Variants in WNK3 observed in about 807,000 individuals in gnomAD.
The protein encoded by WNK3 is serine/threonine-protein kinase WNK3.
A neutral mutation model predicts 116.7 loss-of-function variants in WNK3; 18 were observed. That is an observed-to-expected ratio of 0.15 (90% confidence interval 0.11 to 0.23). The LOEUF (loss-of-function observed/expected upper bound fraction) is 0.23. WNK3 is among the 10% of genes least tolerant of loss of function. WNK3 has a pLI of 1.00. For missense variants in WNK3, 993 were observed against 1,323.8 expected, an observed-to-expected ratio of 0.75 and a Z score of 3.88; for synonymous variants, 404 against 469.4, an observed-to-expected ratio of 0.86 and a Z score of 1.80.
exon 23 of WNK3, chrX:54,202,139 T>C: frequency 8.3e-7 from 1 of 1,210,199 alleles, no homozygotes; most frequent in Non-Finnish European, 1.1e-6. Flanking sequence ...CATCCCTTTT[T>C]TACTGGCTGG....
At chrX:54,222,526 T>C (rs781891691) in intron 22 of WNK3, among the ~76,000 whole-genome samples, 122 of 107,456 alleles carry the variant, frequency 1.1e-3, no homozygotes, top group African/African-American at 4.1e-3. Flanking sequence ...ACCACTGCAC[T>C]CCAGCCTGGG....
At chrX:54,198,461 C>G in exon 24 of WNK3, 1 of 1,210,754 alleles carries the variant, frequency 8.3e-7, no homozygotes, top group South Asian at 1.8e-5. Flanking sequence ...CCTGAAATTC[C>G]TACCCACTGT....
intron 21 of WNK3, 29 bp from the exon 22 acceptor site, chrX:54,228,772 C>A: frequency 2.2e-6 from 1 of 457,975 alleles, no homozygotes; most frequent in South Asian, 3.7e-5. Flanking sequence ...AAGATAGTAT[C>A]AAAATTTTCA....
At chrX:54,199,007 A>T (rs1557141043) in intron 23 of WNK3, among the ~76,000 whole-genome samples, 1 of 111,824 alleles carries the variant, frequency 8.9e-6, no homozygotes, top group African/African-American at 3.3e-5. Flanking sequence ...GTGATATTTT[A>T]AATTTTGTAC....
At chrX:54,218,681 C>T (rs1252933033) in intron 22 of WNK3, among the ~76,000 whole-genome samples, 2 of 110,157 alleles carry the variant, frequency 1.8e-5, no homozygotes, top group South Asian at 3.9e-4. Flanking sequence ...GTCAGGAGTT[C>T]GAGATCAGCC....
At chrX:54,227,395 T>C (rs2067855239) in intron 22 of WNK3, among the ~76,000 whole-genome samples, 1 of 112,157 alleles carries the variant, frequency 8.9e-6, no homozygotes, top group Admixed American at 9.6e-5. Flanking sequence ...GAAAAATGCC[T>C]ATTTGAATCT....
intron 13 of WNK3, among the ~76,000 whole-genome samples, chrX:54,253,428 C>T (rs932508231): frequency 1.8e-5 from 2 of 110,545 alleles, no homozygotes; most frequent in Non-Finnish European, 3.8e-5. Context: ...CCACATCTGG[C>T]ATTTTTTAAT....
At chrX:54,253,222 G>A (rs1473750536) in intron 13 of WNK3, among the ~76,000 whole-genome samples, 1 of 109,392 alleles carries the variant, frequency 9.1e-6, no homozygotes, top group African/African-American at 3.3e-5. Context: ...GAATTACCTG[G>A]GGCTTTAGCT....
intron 4 of WNK3, 80 bp downstream of exon 4, chrX:54,309,015 G>T: frequency 1.2e-6 from 1 of 853,869 alleles, no homozygotes; most frequent in Non-Finnish European, 1.7e-6. Flanking sequence ...ACTGGCCATA[G>T]CTGGCTGATT....
chrX:54,356,069 A>C (rs2069589390), intron 1 of WNK3, among the ~76,000 whole-genome samples: 1 of 111,887 alleles, frequency 8.9e-6, no homozygotes, highest in African/African-American at 3.2e-5. Context: ...CAAGAAAACT[A>C]AATATATATC....
chrX:54,198,230 T>C (rs1557140613), exon 24 of WNK3: 2 of 816,277 alleles, frequency 2.5e-6, no homozygotes, highest in African/African-American at 2.1e-5. Context: ...TGAGGGAAAA[T>C]ATGACAGAAC....
intron 10 of WNK3, among the ~76,000 whole-genome samples, chrX:54,285,982 G>A (rs1293394309): frequency 9.0e-6 from 1 of 111,657 alleles, no homozygotes; most frequent in African/African-American, 3.2e-5. Flanking sequence ...AGCAGATAGA[G>A]CAAAAGTTAA....
Position 54,261,479 on chromosome X carries a change from G to T in WNK3, c.2038-2141C>A, listed in dbSNP as rs145567865. ...TAGTGTTGCATATTGATATAATGAT[G>T]ACCTACCCTAAGATTATCAGATTTG... On this transcript the variant is annotated intron_variant, in intron 10 of 23. Transcript: ENST00000354646. Among the ~76,000 whole-genome samples the T allele has an allele frequency of 2.3e-4, 25 of 111,065 alleles. No individual in the cohort carries two copies. The East Asian group carries it at 7.1e-3, about 32-fold the overall frequency.
At chrX:54,214,304 C>G (rs1338593722) in intron 22 of WNK3, among the ~76,000 whole-genome samples, 3 of 111,011 alleles carry the variant, frequency 2.7e-5, no homozygotes, top group Non-Finnish European at 5.7e-5. Context: ...AAGTTAAAAA[C>G]CTCCCAAAAA....
At chrX:54,260,047 A>G (rs1220501194) in intron 10 of WNK3, among the ~76,000 whole-genome samples, 3 of 111,466 alleles carry the variant, frequency 2.7e-5, no homozygotes, top group African/African-American at 9.8e-5. Flanking sequence ...TAATGTTCTC[A>G]ATGAACTGGC....
At chrX:54,340,570 C>T (rs968243273) in intron 1 of WNK3, among the ~76,000 whole-genome samples, 10 of 109,963 alleles carry the variant, frequency 9.1e-5, no homozygotes, top group African/African-American at 3.3e-4. Context: ...GAGATCGCAC[C>T]ACTGCACTCC....
intron 2 of WNK3, among the ~76,000 whole-genome samples, chrX:54,319,348 A>G (rs1354208247): frequency 9.1e-6 from 1 of 110,106 alleles, no homozygotes; most frequent in Non-Finnish European, 1.9e-5. Context: ...TTTTTTGTAA[A>G]GATGGGATTT....
intron 2 of WNK3, among the ~76,000 whole-genome samples, chrX:54,331,527 T>C (rs1468084502): frequency 9.0e-6 from 1 of 110,702 alleles, no homozygotes; most frequent in Non-Finnish European, 1.9e-5. Flanking sequence ...CTACAATGTA[T>C]ACCATATAAA....
chrX:54,201,224 T>A (rs2067498057), intron 23 of WNK3, among the ~76,000 whole-genome samples: 1 of 111,746 alleles, frequency 8.9e-6, no homozygotes, highest in Non-Finnish European at 1.9e-5. Flanking sequence ...TTCATGGCTT[T>A]TCATATTTCT....
Sources: allele counts gnomAD v4.1 joint callset (sites outside exome capture counted in the v4.1 genomes callset), GRCh38; gene constraint gnomAD v4.1.1; transcripts MANE v1.5; gene names NCBI Gene and HGNC (gene_info 2026-07-23, HGNC 2026-07-21).